Variants in SAV1 observed in about 807,000 individuals in gnomAD.
SAV1 encodes the protein salvador family WW domain containing protein 1, also known as protein salvador homolog 1.
Under a neutral mutation model 47.3 loss-of-function variants are expected in SAV1, and 23 were observed. The observed-to-expected ratio is 0.49, with a 90% CI of 0.35 to 0.69. The LOEUF (loss-of-function observed/expected upper bound fraction) is 0.69. SAV1 is among the 30% of genes least tolerant of loss of function. The probability of loss-of-function intolerance (pLI) is 0.01; values close to 1 mark genes in which losing one functional copy is unlikely to be tolerated. For missense variants in SAV1, 448 were observed against 457.4 expected, an observed-to-expected ratio of 0.98 and a Z score of 0.19; for synonymous variants, 155 against 159.2, an observed-to-expected ratio of 0.97 and a Z score of 0.20.
At chr14:50,655,406 G>C (rs1016299011) in intron 2 of SAV1, among the ~76,000 whole-genome samples, 1 of 145,596 alleles carries the variant, frequency 6.9e-6, no homozygotes, top group African/African-American at 2.6e-5. Context: ...TCTAAATACT[G>C]CATTATTAAA....
At chr14:50,649,611 G>A (rs997749405) in intron 2 of SAV1, among the ~76,000 whole-genome samples, 3 of 152,162 alleles carry the variant, frequency 2.0e-5, no homozygotes, top group Admixed American at 6.5e-5. Context: ...CCACTAGGCA[G>A]CAAATACAGA....
rs903279 is a variant in SAV1 at position 50,640,005 on chromosome 14, G to A, written c.950+745C>T. Among the ~76,000 whole-genome samples the A allele has an allele frequency of 9.0e-3, 1,367 of 152,138 alleles. 26 individuals are homozygous for A. Among genetic ancestry groups the A allele is most frequent in the African/African-American group, 0.031 (1,278 of 41,498 alleles). ...CTGGCACTAGTAGGGGGGCAGTCAG[G>A]GTCTCTCATGCTCTGTCACCCAGGC... On this transcript the variant is annotated intron_variant, in intron 4 of 4. Transcript: ENST00000324679.
intron 2 of SAV1, among the ~76,000 whole-genome samples, chr14:50,647,670 T>C (rs946057232): frequency 2.6e-5 from 4 of 151,970 alleles, no homozygotes; most frequent in East Asian, 1.9e-4. Context: ...TGATGGTAAA[T>C]AGCACGTGAA....
chr14:50,650,152 T>C (rs1322840399), intron 2 of SAV1, among the ~76,000 whole-genome samples: 3 of 152,240 alleles, frequency 2.0e-5, no homozygotes, highest in East Asian at 1.9e-4. Flanking sequence ...ATACGGGTTA[T>C]TGGCATGTGG....
intron 1 of SAV1, 46 bp downstream of exon 1, chr14:50,667,828 C>T: frequency 6.4e-7 from 1 of 1,562,902 alleles, no homozygotes; most frequent in Non-Finnish European, 8.8e-7. Flanking sequence ...CCCCGGAGCA[C>T]CTGGCCGCCT....
At chr14:50,665,869 A>C (rs2039897823) in intron 1 of SAV1, among the ~76,000 whole-genome samples, 1 of 152,238 alleles carries the variant, frequency 6.6e-6, no homozygotes, top group Non-Finnish European at 1.5e-5. Flanking sequence ...AATAAAATGT[A>C]TTCTGCATAC....
intron 4 of SAV1, chr14:50,637,663 A>ATTTTTTTTTTTTTTTTTTTTTTT (rs771403561): frequency 7.8e-6 from 1 of 128,768 alleles, no homozygotes; most frequent in Admixed American, 7.7e-5. Flanking sequence ...CAATTTTGTC[A>ATTTTTTTTTTTTTTTTTTTTTTT]GTTTTTTTTT....
intron 2 of SAV1, among the ~76,000 whole-genome samples, chr14:50,661,214 T>C (rs2140263863): frequency 6.6e-6 from 1 of 152,366 alleles, no homozygotes; most frequent in South Asian, 2.1e-4. Context: ...CGATTAGTGA[T>C]GTTGCACATT....
intron 2 of SAV1, among the ~76,000 whole-genome samples, chr14:50,646,404 G>A (rs866421612): frequency 3.9e-5 from 6 of 152,056 alleles, no homozygotes; most frequent in Admixed American, 1.3e-4. Flanking sequence ...TAAAAATTCC[G>A]GCCGAGCGCA....
chr14:50,638,661 C>T (rs975019919), intron 4 of SAV1, among the ~76,000 whole-genome samples: 8 of 152,294 alleles, frequency 5.3e-5, no homozygotes, highest in Admixed American at 3.9e-4. Flanking sequence ...ATAAAAAATA[C>T]CCCTGCCACA....
intron 2 of SAV1, among the ~76,000 whole-genome samples, chr14:50,655,661 G>C (rs1271361119): frequency 6.6e-6 from 1 of 151,724 alleles, no homozygotes; most frequent in Non-Finnish European, 1.5e-5. Flanking sequence ...CCTGACCTTA[G>C]GTGATCCATC....
At chr14:50,659,089 T>A (rs955801855) in intron 2 of SAV1, among the ~76,000 whole-genome samples, 5 of 151,654 alleles carry the variant, frequency 3.3e-5, no homozygotes, top group East Asian at 1.9e-4. Context: ...TTTTTTTTTT[T>A]TTTTTGGTTG....
At position 50,634,995 on chromosome 14, in the gene SAV1, TTAAAATGA is replaced by T; in HGVS notation, c.*180_*187del. 1.7e-6 allele frequency: 1 copy of T among 581,676 alleles called. No individual in the cohort carries two copies. The highest frequency in any genetic ancestry group is 3.0e-6 in the Non-Finnish European group (1 of 331,424). 36.0% of individuals were successfully genotyped at this position (581,676 alleles called of 1,614,324 possible). A position where few individuals can be genotyped will look rare whatever the true frequency, so the allele number is the denominator to read the frequency against. On this transcript the variant is annotated 3_prime_UTR_variant, in exon 5 of 5. Transcript: ENST00000324679. Reference sequence around the variant, plus strand: ...TTGAAAGTGTTTGCCATATTGGCTCTTAAAATGATAGACTAATTTTTCTCATTCAATAA... The same window carrying T: ...TTGAAAGTGTTTGCCATATTGGCTCTTAGACTAATTTTTCTCATTCAATAA...
chr14:50,643,601 C>T (rs1015595093), intron 3 of SAV1, among the ~76,000 whole-genome samples: 4 of 152,154 alleles, frequency 2.6e-5, no homozygotes, highest in African/African-American at 7.2e-5. Flanking sequence ...ACCATGTCAA[C>T]GAACAGAAAA....
intron 1 of SAV1, 96 bp downstream of exon 1, chr14:50,667,778 A>C (rs2039915469): frequency 2.3e-6 from 2 of 867,248 alleles, no homozygotes; most frequent in South Asian, 1.5e-5. Flanking sequence ...CCAAGGACGA[A>C]GGAGAAGCCC....
At position 50,647,984 on chromosome 14, in the gene SAV1, C is replaced by T. The variant is rs180789157; in HGVS notation, c.536-2970G>A. 9.5e-4 allele frequency among the ~76,000 whole-genome samples: 144 copies of T among 152,290 alleles called. No homozygotes were observed. In the Middle Eastern group the frequency reaches 0.01, roughly 11 times the overall value. ...TGAGAAGTCATCTTCACACAAAATC[C>T]CATTTGTGGATATTTACAATGACTG... On this transcript the variant is annotated intron_variant, in intron 2 of 4. Transcript: ENST00000324679.
In SAV1 at chr14:50,635,567, G is replaced by A. The variant is rs567141142; in HGVS notation, c.951-183C>T. The stretch of plus-strand genomic sequence containing the variant: ...TATAGTCCCAGCTACTTGGGAGGCT[G>A]AGGTGGGAGGCTGAGGTGGGAGGAC... On this transcript the variant is annotated intron_variant, in intron 4 of 4. Coordinates refer to ENST00000324679, the MANE Select transcript of SAV1 (RefSeq NM_021818.4). Among the ~76,000 whole-genome samples, 37 of 152,144 alleles carry A rather than the reference G, an allele frequency of 2.4e-4. 1 individual carries two copies. The highest frequency in any genetic ancestry group is 8.2e-4 in the African/African-American group (34 of 41,524).
rs527472051 is a variant in SAV1, at chr14:50,647,170, GTTTAGTT to G, written c.536-2163_536-2157del. Among the ~76,000 whole-genome samples the G allele has an allele frequency of 7.9e-5, 12 of 151,980 alleles. No homozygotes were observed. The South Asian group carries it at 2.3e-3, about 29-fold the overall frequency. ...AAAAAAATAGAATAAATTTTCATGA[GTTTAGTT>G]TAGACAAAGAGTACTTTTTTTTACC... On this transcript the variant is annotated intron_variant, in intron 2 of 4. Coordinates refer to ENST00000324679, the MANE Select transcript of SAV1 (RefSeq NM_021818.4).
At chr14:50,654,237 C>A (rs565357502) in intron 2 of SAV1, among the ~76,000 whole-genome samples, 4 of 152,352 alleles carry the variant, frequency 2.6e-5, no homozygotes, top group African/African-American at 9.6e-5. Context: ...AAACTGGCCT[C>A]AATCCTCTCA....
Sources: gnomAD v4.1 joint callset for allele counts (sites outside exome capture counted in the v4.1 genomes callset) on GRCh38, gnomAD v4.1.1 for gene constraint, MANE v1.5 for transcripts, NCBI Gene and HGNC (gene_info 2026-07-23, HGNC 2026-07-21) for gene names.